DSCAM: variants seen among roughly 807,000 people sequenced by gnomAD.
The protein encoded by DSCAM is cell adhesion molecule DSCAM.
A neutral mutation model predicts 217.7 loss-of-function variants in DSCAM; 47 were observed. That is an observed-to-expected ratio of 0.22 (90% confidence interval 0.17 to 0.28). DSCAM has a LOEUF of 0.28. Ranked by LOEUF, DSCAM falls within the 10% of genes least tolerant of loss-of-function variation. DSCAM has a pLI of 1.00. For synonymous variants in DSCAM, 1,056 were observed against 1,015.3 expected, an observed-to-expected ratio of 1.04 and a Z score of -0.76; for missense variants, 2,080 against 2,618.3, an observed-to-expected ratio of 0.79 and a Z score of 4.49.
intron 3 of DSCAM, among the ~76,000 whole-genome samples, chr21:40,467,744 T>G (rs2145961202): frequency 6.6e-6 from 1 of 152,144 alleles, no homozygotes; most frequent in East Asian, 1.9e-4. Flanking sequence ...TATTGGGATT[T>G]TATAAGCAAT....
chr21:40,537,505 A>C (rs1057173312), intron 3 of DSCAM, among the ~76,000 whole-genome samples: 1 of 152,048 alleles, frequency 6.6e-6, no homozygotes, highest in African/African-American at 2.4e-5. Flanking sequence ...CCACCAAAAA[A>C]CTCACATGCT....
At chr21:40,506,355 G>A (rs935158593) in intron 3 of DSCAM, among the ~76,000 whole-genome samples, 1 of 152,158 alleles carries the variant, frequency 6.6e-6, no homozygotes, top group African/African-American at 2.4e-5. Context: ...TGCCTGGGAC[G>A]TCCATGATGA....
At chr21:40,706,597 G>C (rs892220330) in intron 2 of DSCAM, among the ~76,000 whole-genome samples, 1 of 152,152 alleles carries the variant, frequency 6.6e-6, no homozygotes, top group Non-Finnish European at 1.5e-5. Flanking sequence ...AGGATGACCT[G>C]ATACAGAAGA....
At chr21:40,827,004 C>T (rs2091974150) in intron 1 of DSCAM, among the ~76,000 whole-genome samples, 1 of 151,906 alleles carries the variant, frequency 6.6e-6, no homozygotes, top group Non-Finnish European at 1.5e-5. Flanking sequence ...GGAAAGGAAG[C>T]AGAGAGGAAA....
intron 3 of DSCAM, among the ~76,000 whole-genome samples, chr21:40,508,760 TATATATATATATATATATATATA>T (rs1248772411): frequency 0.14 from 704 of 4,904 alleles, 56 homozygotes; most frequent in African/African-American, 0.3. Context: ...TATATATATA[TATATATATATATATATATATATA>T]TTTTTTTTTT....
intron 3 of DSCAM, among the ~76,000 whole-genome samples, chr21:40,415,947 G>T (rs951702645): frequency 6.6e-6 from 1 of 151,976 alleles, no homozygotes; most frequent in Non-Finnish European, 1.5e-5. Context: ...TTTTTAGGCA[G>T]AAAAAAAGGT....
At chr21:40,129,982 TG>T (rs1287999497) in intron 19 of DSCAM, among the ~76,000 whole-genome samples, 6 of 152,146 alleles carry the variant, frequency 3.9e-5, no homozygotes, top group Admixed American at 2.0e-4. Context: ...TAATTGATGG[TG>T]GGGAGGGAGT....
intron 1 of DSCAM, among the ~76,000 whole-genome samples, chr21:40,767,093 A>G (rs1303730510): frequency 2.6e-5 from 4 of 152,188 alleles, no homozygotes; most frequent in Non-Finnish European, 4.4e-5. Flanking sequence ...AGGGAACAAA[A>G]AAACTAATTC....
At chr21:40,326,161 T>C (rs1287212955) in intron 8 of DSCAM, among the ~76,000 whole-genome samples, 1 of 151,906 alleles carries the variant, frequency 6.6e-6, no homozygotes, top group African/African-American at 2.4e-5. Context: ...GGGGGACAAG[T>C]TAAAATAAAA....
At chr21:40,163,108 A>ACACACAC (rs1601399296) in intron 16 of DSCAM, among the ~76,000 whole-genome samples, 2 of 81,336 alleles carry the variant, frequency 2.5e-5, no homozygotes, top group East Asian at 3.3e-4. Context: ...CACACACACA[A>ACACACAC]GCATGCACAC....
At position 40,036,393 on chromosome 21, in the gene DSCAM, C is replaced by T. The variant is rs878987893; in HGVS notation, c.5686+5978G>A. Among the ~76,000 whole-genome samples, 92 of 145,362 alleles carry T rather than the reference C, an allele frequency of 6.3e-4. 4 individuals are homozygous for T. Among genetic ancestry groups the T allele is most frequent in the African/African-American group, 1.8e-3 (69 of 37,714 alleles). ...TCAGAGAATACTACAAACACCTCTACGCAAATAAACTAGAAAATCTAGAAG... is the reference window on the plus strand; with the variant it reads ...TCAGAGAATACTACAAACACCTCTATGCAAATAAACTAGAAAATCTAGAAG... On this transcript the variant is annotated intron_variant, in intron 32 of 32. Coordinates refer to ENST00000400454, the MANE Select transcript of DSCAM (RefSeq NM_001389.5).
rs146594461 is a variant in DSCAM at position 40,088,959 on chromosome 21, T to C, written c.3851-1672A>G. Among the ~76,000 whole-genome samples, 4 of 152,380 alleles carry C rather than the reference T, an allele frequency of 2.6e-5. No individual in the cohort carries two copies. The East Asian group carries it at 7.7e-4, about 29-fold the overall frequency. On this transcript the variant is annotated intron_variant, in intron 21 of 32. Transcript: ENST00000400454. ...CTTCACTGTATGTGATGCATTCTGATATTTTCTGTCTTTTTTAAACCCTAG... is the reference window on the plus strand; with the variant it reads ...CTTCACTGTATGTGATGCATTCTGACATTTTCTGTCTTTTTTAAACCCTAG...
intron 1 of DSCAM, among the ~76,000 whole-genome samples, chr21:40,754,944 A>G (rs1434223626): frequency 6.6e-6 from 1 of 152,252 alleles, no homozygotes; most frequent in African/African-American, 2.4e-5. Context: ...AGGACAATTG[A>G]GAGGGAAGAG....
intron 1 of DSCAM, among the ~76,000 whole-genome samples, chr21:40,797,143 A>G (rs2091698464): frequency 6.6e-6 from 1 of 152,184 alleles, no homozygotes; most frequent in Non-Finnish European, 1.5e-5. Context: ...CTTGTAGGGG[A>G]AAAAATGACA....
At chr21:40,600,009 C>A (rs1489903989) in intron 3 of DSCAM, among the ~76,000 whole-genome samples, 1 of 152,152 alleles carries the variant, frequency 6.6e-6, no homozygotes, top group African/African-American at 2.4e-5. Flanking sequence ...GGATTCACAG[C>A]TGAATTCTAC....
At chr21:40,755,132 G>A (rs1027713734) in intron 1 of DSCAM, among the ~76,000 whole-genome samples, 1 of 152,078 alleles carries the variant, frequency 6.6e-6, no homozygotes, top group African/African-American at 2.4e-5. Flanking sequence ...GGAGAGATTT[G>A]GGGGATAAGG....
intron 3 of DSCAM, among the ~76,000 whole-genome samples, chr21:40,381,683 T>C (rs1471024588): frequency 6.6e-6 from 1 of 152,168 alleles, no homozygotes; most frequent in East Asian, 1.9e-4. Context: ...TGGGAAAGAA[T>C]CTGGAAAAAT....
intron 3 of DSCAM, among the ~76,000 whole-genome samples, chr21:40,381,642 T>C (rs1322989992): frequency 1.3e-5 from 2 of 152,216 alleles, no homozygotes; most frequent in East Asian, 3.8e-4. Context: ...ACTGTAAAGT[T>C]TGTCTACCTG....
chr21:40,074,595 G>A (rs1410482594), intron 27 of DSCAM, among the ~76,000 whole-genome samples: 1 of 152,110 alleles, frequency 6.6e-6, no homozygotes, highest in Admixed American at 6.5e-5. Context: ...ATTTGGGATG[G>A]CATGTGTCCT....
Sources: gnomAD v4.1 joint callset for allele counts (sites outside exome capture counted in the v4.1 genomes callset) on GRCh38, gnomAD v4.1.1 for gene constraint, MANE v1.5 for transcripts, NCBI Gene and HGNC (gene_info 2026-07-23, HGNC 2026-07-21) for gene names.